PTPN3: variants seen among roughly 807,000 people sequenced by gnomAD.
The protein encoded by PTPN3 is protein tyrosine phosphatase non-receptor type 3, also known as tyrosine-protein phosphatase non-receptor type 3.
PTPN3 carries 96 observed loss-of-function variants against 132.7 expected under a neutral mutation model. The ratio of observed to expected loss-of-function variants is 0.72; its 90% CI spans 0.61 to 0.86. PTPN3 has a LOEUF of 0.86. Ranked by LOEUF, PTPN3 falls within the 40% of genes least tolerant of loss-of-function variation. The pLI is 0.00. For missense variants in PTPN3, 1,125 were observed against 1,159.6 expected, an observed-to-expected ratio of 0.97 and a Z score of 0.43; for synonymous variants, 398 against 429.0, an observed-to-expected ratio of 0.93 and a Z score of 0.89.
chr9:109,439,857 C>A (rs79384225), intron 7 of PTPN3, among the ~76,000 whole-genome samples: 7,856 of 151,380 alleles, frequency 0.052, 677 homozygotes, highest in African/African-American at 0.18. Flanking sequence ...TGCAGTGAAC[C>A]GAGACTGAGC....
At chr9:109,462,368 C>G (rs1007086179) in intron 2 of PTPN3, among the ~76,000 whole-genome samples, 7 of 152,234 alleles carry the variant, frequency 4.6e-5, no homozygotes, top group Non-Finnish European at 8.8e-5. Flanking sequence ...AGTGGGCAAA[C>G]TTGTATGGGG....
chr9:109,473,383 A>G (rs573181822), intron 1 of PTPN3, among the ~76,000 whole-genome samples: 1 of 152,308 alleles, frequency 6.6e-6, no homozygotes, highest in East Asian at 1.9e-4. Flanking sequence ...AAAATGTCAA[A>G]TAGTTTTCTT....
intron 2 of PTPN3, among the ~76,000 whole-genome samples, chr9:109,459,740 AC>A (rs1159404349): frequency 6.6e-6 from 1 of 151,950 alleles, no homozygotes; most frequent in Non-Finnish European, 1.5e-5. Context: ...TATGATGCTC[AC>A]TCGGGGTAGG....
At chr9:109,524,946 C>T in the PTPN3 span, among the ~76,000 whole-genome samples, 1 of 152,184 alleles carries the variant, frequency 6.6e-6, no homozygotes, top group East Asian at 1.9e-4. Flanking sequence ...CCGTGTTGTC[C>T]AGGCTGGTTT....
In PTPN3 at chr9:109,406,558, C is replaced by T; in HGVS notation, c.1696G>A (p.Asp566Asn). 2 of 1,614,174 alleles carry T rather than the reference C, an allele frequency of 1.2e-6. No homozygotes were observed. Among genetic ancestry groups the T allele is most frequent in the Non-Finnish European group, 1.7e-6 (2 of 1,180,032 alleles). ...TGGTCATGCGTGTGTTCTGAGATGT[C>T]CCGGCCATTGATTAACACGATTTGA... ...GDQIVLINGR[D>N]ISEHTHDQVV... Residue 566 changes from aspartate (D) to asparagine (N), a missense_variant, in exon 18 of 26, where the codon GAC (aspartate) becomes AAC (asparagine). By Grantham distance (23) the Asp-to-Asn change is conservative. Transcript: ENST00000374541.
intron 1 of PTPN3, among the ~76,000 whole-genome samples, chr9:109,465,115 G>C (rs1846032085): frequency 6.6e-6 from 1 of 152,210 alleles, no homozygotes; most frequent in Non-Finnish European, 1.5e-5. Flanking sequence ...TATTTATGAA[G>C]AGAGAATTAG....
intron 19 of PTPN3, among the ~76,000 whole-genome samples, chr9:109,402,948 C>T (rs1029594276): frequency 6.6e-6 from 1 of 152,080 alleles, no homozygotes. Flanking sequence ...AGTGGTGGTG[C>T]ATGCCTGTAG....
chr9:109,492,024 A>T lies in PTPN3; in HGVS notation c.-18+6195T>A, dbSNP rs117623860. ...GTGGACCAGCTGCTTTCAGAGAAGCATCATGCATAATTTTTCTTGTGTTCC... is the reference window on the plus strand; with the variant it reads ...GTGGACCAGCTGCTTTCAGAGAAGCTTCATGCATAATTTTTCTTGTGTTCC... On this transcript the variant is annotated intron_variant, in intron 1 of 25. Transcript: ENST00000374541. Among the ~76,000 whole-genome samples, 56 of 152,360 alleles carry T rather than the reference A, an allele frequency of 3.7e-4. No individual in the cohort carries two copies. In the East Asian group the frequency reaches 9.6e-3, roughly 26 times the overall value.
At chr9:109,395,493 G>C (rs890117230) in intron 19 of PTPN3, among the ~76,000 whole-genome samples, 1 of 152,142 alleles carries the variant, frequency 6.6e-6, no homozygotes, top group African/African-American at 2.4e-5. Context: ...TAAGTGTTGA[G>C]AGTTGGTTTT....
Position 109,445,287 on chromosome 9 carries a change from GT to G in PTPN3, c.418del (p.Thr140ProfsTer10). 1 of 1,613,428 alleles carries G rather than the reference GT, an allele frequency of 6.2e-7. No homozygotes were observed. Among genetic ancestry groups the G allele is most frequent in the South Asian group, 1.1e-5 (1 of 91,066 alleles). ...AACCACTGCTGAGTTAAGAGGGCAGGTTAACCTGTCAGGAGAAAAACATATT... is the reference window on the plus strand; with the variant it reads ...AACCACTGCTGAGTTAAGAGGGCAGGTAACCTGTCAGGAGAAAAACATATT... ...LKMDICEGRL[T>X]CPLNSAVVLA... On this transcript the variant is annotated frameshift_variant, in exon 7 of 26. Coordinates refer to ENST00000374541, the MANE Select transcript of PTPN3 (RefSeq NM_002829.4). LOFTEE classifies it high-confidence loss of function.
the PTPN3 span, among the ~76,000 whole-genome samples, chr9:109,512,221 C>T: frequency 6.6e-6 from 1 of 152,192 alleles, no homozygotes; most frequent in South Asian, 2.1e-4. Context: ...AACGATATTC[C>T]TTCCAGATTC....
At chr9:109,390,158 C>T (rs983782056) in intron 21 of PTPN3, among the ~76,000 whole-genome samples, 2 of 152,182 alleles carry the variant, frequency 1.3e-5, no homozygotes, top group South Asian at 2.1e-4. Context: ...GTTTCTGATG[C>T]TCTGCTTTTA....
intron 4 of PTPN3, among the ~76,000 whole-genome samples, chr9:109,455,755 T>C (rs4978810): frequency 0.89 from 135,510 of 152,204 alleles, 60,600 homozygotes; most frequent in African/African-American, 0.97. Context: ...GTGCTTACTA[T>C]TATCATAGAA....
At chr9:109,435,820 G>T (rs1306710736) in intron 9 of PTPN3, among the ~76,000 whole-genome samples, 1 of 152,116 alleles carries the variant, frequency 6.6e-6, no homozygotes, top group East Asian at 1.9e-4. Flanking sequence ...AAAAATGAAT[G>T]GTCAAGTCCC....
chr9:109,489,918 A>T (rs546587286), intron 1 of PTPN3, among the ~76,000 whole-genome samples: 37 of 152,300 alleles, frequency 2.4e-4, no homozygotes, highest in South Asian at 2.1e-3. Context: ...GGGGTGGCTC[A>T]TGCCTATAAT....
At chr9:109,438,853 A>G (rs1844245005) in intron 7 of PTPN3, among the ~76,000 whole-genome samples, 1 of 152,184 alleles carries the variant, frequency 6.6e-6, no homozygotes, top group Non-Finnish European at 1.5e-5. Context: ...GTCAGGGCTC[A>G]GGCAACAGCA....
At chr9:109,394,935 T>A (rs1437645898) in intron 19 of PTPN3, among the ~76,000 whole-genome samples, 1 of 151,836 alleles carries the variant, frequency 6.6e-6, no homozygotes, top group African/African-American at 2.4e-5. Context: ...GTCAGGAGAT[T>A]GAGACCATCC....
chr9:109,457,342 C>T lies in PTPN3; in HGVS notation c.196G>A (p.Glu66Lys). ...TGCTGTAAACCAAAATATTCCTTTT[C>T]AGTCACACCCAGGTGGTTGTGCACC... The part of the protein sequence containing the change: ...DMVHNHLGVT[E>K]KEYFGLQHDD... The change falls in exon 3 of 26, where the codon GAA (glutamate) becomes AAA (lysine). Residue 66 changes from glutamate to lysine, a missense_variant. Glu to Lys is a moderately conservative substitution (Grantham distance 56). Coordinates refer to ENST00000374541, the MANE Select transcript of PTPN3 (RefSeq NM_002829.4). 6.2e-7 allele frequency: 1 copy of T among 1,614,210 alleles called. No homozygotes were observed. Among genetic ancestry groups the T allele is most frequent in the African/African-American group, 1.3e-5 (1 of 75,052 alleles).
intron 12 of PTPN3, among the ~76,000 whole-genome samples, chr9:109,424,217 C>T (rs1409577023): frequency 1.3e-5 from 2 of 152,182 alleles, no homozygotes; most frequent in African/African-American, 4.8e-5. Flanking sequence ...TATGTGGAAC[C>T]TTTCAGAAGG....
Sources: gnomAD v4.1 joint callset for allele counts (sites outside exome capture counted in the v4.1 genomes callset) on GRCh38, gnomAD v4.1.1 for gene constraint, MANE v1.5 for transcripts, NCBI Gene and HGNC (gene_info 2026-07-23, HGNC 2026-07-21) for gene names.